The following IQUB variants were observed in gnomAD, a reference collection of about 807,000 sequenced individuals.
The protein encoded by IQUB is IQ motif and ubiquitin domain containing.
Under a neutral mutation model 86.4 loss-of-function variants are expected in IQUB, and 86 were observed. That is an observed-to-expected ratio of 1.00 (90% CI 0.84 to 1.19). The LOEUF is 1.19. Ranked by LOEUF, IQUB falls within the 50% of genes most tolerant of loss-of-function variation. The probability of loss-of-function intolerance (pLI) is 0.00; values close to 1 mark genes in which losing one functional copy is unlikely to be tolerated. For synonymous variants in IQUB, 289 were observed against 304.5 expected, an observed-to-expected ratio of 0.95 and a Z score of 0.53; for missense variants, 946 against 916.9, an observed-to-expected ratio of 1.03 and a Z score of -0.41.
At chr7:123,460,129 T>G (rs1006909569) in intron 11 of IQUB, among the ~76,000 whole-genome samples, 51 of 151,938 alleles carry the variant, frequency 3.4e-4, no homozygotes, top group Non-Finnish European at 3.5e-4. Flanking sequence ...TCAATCCTGG[T>G]GCTGGTACTT....
chr7:123,510,150 G>T, intron 2 of IQUB, 115 bp from the exon 3 acceptor site: 1 of 667,182 alleles, frequency 1.5e-6, no homozygotes, highest in Non-Finnish European at 2.5e-6. Flanking sequence ...TAGAATACAA[G>T]TTGTTCTTGC....
chr7:123,521,799 G>A (rs1796918562), intron 1 of IQUB, among the ~76,000 whole-genome samples: 1 of 152,104 alleles, frequency 6.6e-6, no homozygotes, highest in Non-Finnish European at 1.5e-5. Context: ...GACATTAGTT[G>A]TTTATAAAAA....
At chr7:123,487,681 A>C (rs1316783064) in intron 7 of IQUB, among the ~76,000 whole-genome samples, 1 of 152,250 alleles carries the variant, frequency 6.6e-6, no homozygotes, top group Non-Finnish European at 1.5e-5. Flanking sequence ...CGATAGAGCA[A>C]GTAAAGTAAA....
At chr7:123,459,153 C>T (rs1297494882) in intron 11 of IQUB, among the ~76,000 whole-genome samples, 1 of 151,928 alleles carries the variant, frequency 6.6e-6, no homozygotes, top group Admixed American at 6.6e-5. Flanking sequence ...GACCAAAACC[C>T]TACATAGATA....
At chr7:123,467,698 G>GATT (rs1794327233) in intron 9 of IQUB, among the ~76,000 whole-genome samples, 7 of 152,152 alleles carry the variant, frequency 4.6e-5, no homozygotes, top group Non-Finnish European at 1.0e-4. Flanking sequence ...TTGATTTCTT[G>GATT]ACCTGTGGAG....
intron 8 of IQUB, among the ~76,000 whole-genome samples, chr7:123,469,801 T>C (rs1436248312): frequency 6.6e-6 from 1 of 152,214 alleles, no homozygotes; most frequent in African/African-American, 2.4e-5. Context: ...ATCCTCAATA[T>C]ATTTAGACCT....
intron 10 of IQUB, among the ~76,000 whole-genome samples, chr7:123,462,988 C>G (rs192352827): frequency 6.6e-6 from 1 of 151,568 alleles, no homozygotes; most frequent in Admixed American, 6.6e-5. Flanking sequence ...AATTCTTCTC[C>G]CACTATGCAA....
At chr7:123,469,658 G>A (rs1477786184) in intron 8 of IQUB, among the ~76,000 whole-genome samples, 2 of 152,136 alleles carry the variant, frequency 1.3e-5, no homozygotes, top group Non-Finnish European at 2.9e-5. Context: ...TGAATTGTTT[G>A]AGAGATGTAT....
chr7:123,504,940 A>C (rs1236137079), intron 3 of IQUB, among the ~76,000 whole-genome samples: 2 of 152,238 alleles, frequency 1.3e-5, no homozygotes, highest in Non-Finnish European at 1.5e-5. Flanking sequence ...ATGAGCCTAT[A>C]AAATCAAAAA....
In IQUB at chr7:123,503,343, C is replaced by T. The variant is rs536224830; in HGVS notation, c.553G>A (p.Glu185Lys). 35 of 1,518,364 alleles carry T rather than the reference C, an allele frequency of 2.3e-5. No homozygotes were observed. Among genetic ancestry groups the T allele is most frequent in the Non-Finnish European group, 3.0e-5 (34 of 1,129,456 alleles). 94.1% of individuals were successfully genotyped at this position (1,518,364 alleles called of 1,614,324 possible). The change falls in exon 4 of 13, where the codon GAG becomes AAG. Residue 185 changes from glutamate to lysine, a missense_variant. Physicochemically the swap from Glu to Lys is moderately conservative, Grantham distance 56 (BLOSUM62 1). Coordinates refer to ENST00000324698, the MANE Select transcript of IQUB (RefSeq NM_178827.5). ...TTAACTCCATGTTGTACTAGAGTCT[C>T]ATTATTTTTAAGAATTTTTCCTAAA... is the stretch of plus-strand genomic sequence containing the variant. Reference protein sequence around the residue: ...RYSGKILKNNETLVQHGVKPQ... With the variant: ...RYSGKILKNNKTLVQHGVKPQ...
At chr7:123,522,720 T>C (rs1158506923) in intron 1 of IQUB, among the ~76,000 whole-genome samples, 1 of 152,180 alleles carries the variant, frequency 6.6e-6, no homozygotes, top group Non-Finnish European at 1.5e-5. Flanking sequence ...TTTATTATTA[T>C]ACTTTAAGTT....
chr7:123,459,084 G>A (rs919190140), intron 11 of IQUB, among the ~76,000 whole-genome samples: 2 of 151,892 alleles, frequency 1.3e-5, no homozygotes, highest in Non-Finnish European at 2.9e-5. Flanking sequence ...ATTACAAGGG[G>A]GGGGAAGCTA....
At chr7:123,480,612 T>C (rs1794963822) in intron 7 of IQUB, among the ~76,000 whole-genome samples, 2 of 152,114 alleles carry the variant, frequency 1.3e-5, no homozygotes, top group African/African-American at 4.8e-5. Flanking sequence ...GAAGATTTCC[T>C]TTTCCTTCCT....
At chr7:123,501,543 T>C (rs1584614207) in intron 6 of IQUB, 1 of 152,198 alleles carries the variant, frequency 6.6e-6, no homozygotes, top group Non-Finnish European at 1.5e-5. Context: ...TATCAGAAAC[T>C]TTCCTGTCTG....
At chr7:123,525,505 T>G (rs1209960762) in intron 1 of IQUB, among the ~76,000 whole-genome samples, 1 of 152,216 alleles carries the variant, frequency 6.6e-6, no homozygotes, top group Non-Finnish European at 1.5e-5. Context: ...GTTTGTAGTA[T>G]TCTCTGATGG....
At chr7:123,457,061 G>A in intron 12 of IQUB, 2 of 427,372 alleles carry the variant, frequency 4.7e-6, no homozygotes, top group Non-Finnish European at 6.2e-6. Context: ...CAGTATTGTA[G>A]GTATTAGAGA....
At position 123,457,209 on chromosome 7, in the gene IQUB, T is replaced by C. The variant is rs1478646246; in HGVS notation, c.2193+172A>G. 5 of 969,178 alleles carry C rather than the reference T, an allele frequency of 5.2e-6. 1 individual carries two copies. In the Admixed American group the frequency reaches 3.1e-4, roughly 60 times the overall value. 60.0% of individuals were successfully genotyped at this position (969,178 alleles called of 1,614,324 possible). ...TCAAATCTCTTATATATACCTTTTA[T>C]TTAATCTGTGCCATATATGCCATCC... On this transcript the variant is annotated intron_variant, in intron 12 of 12. Transcript: ENST00000324698.
intron 1 of IQUB, among the ~76,000 whole-genome samples, chr7:123,533,648 T>C (rs1424956782): frequency 6.6e-6 from 1 of 152,176 alleles, no homozygotes; most frequent in Non-Finnish European, 1.5e-5. Context: ...TCTGTAAATA[T>C]TGATAGAAAA....
chr7:123,512,402 C>G (rs2117265517), intron 1 of IQUB, 58 bp from the exon 2 acceptor site: 2 of 1,043,352 alleles, frequency 1.9e-6, no homozygotes, highest in South Asian at 3.6e-5. Context: ...CACAAAAAAT[C>G]AAATTCATTG....
Sources: allele counts gnomAD v4.1 joint callset (sites outside exome capture counted in the v4.1 genomes callset), GRCh38; gene constraint gnomAD v4.1.1; transcripts MANE v1.5; gene names NCBI Gene and HGNC (gene_info 2026-07-23, HGNC 2026-07-21).